The following PHLPP2 variants were observed in gnomAD, a reference collection of about 807,000 sequenced individuals.
The protein encoded by PHLPP2 is PH domain leucine-rich repeat-containing protein phosphatase 2.
A neutral mutation model predicts 124.9 loss-of-function variants in PHLPP2; 66 were observed. The ratio of observed to expected loss-of-function variants is 0.53; its 90% CI spans 0.43 to 0.65. PHLPP2 has a LOEUF of 0.65. PHLPP2 is among the 30% of genes least tolerant of loss of function. The pLI is 0.00. For missense variants in PHLPP2, 1,685 were observed against 1,600.4 expected (o/e 1.05, Z -0.90); for synonymous variants, 681 against 624.7 (o/e 1.09, Z -1.34).
intron 2 of PHLPP2, among the ~76,000 whole-genome samples, chr16:71,704,307 C>A (rs1177899322): frequency 0.016 from 1,535 of 97,664 alleles, no homozygotes; most frequent in Non-Finnish European, 0.018. Flanking sequence ...GACTCTGTCT[C>A]AAAAAAAAAA....
chr16:71,698,182 G>A (rs1220787796), intron 3 of PHLPP2, among the ~76,000 whole-genome samples: 2 of 152,098 alleles, frequency 1.3e-5, no homozygotes, highest in African/African-American at 4.8e-5. Flanking sequence ...ATTAAGAGGG[G>A]GCAGCACAGT....
chr16:71,700,956 C>T (rs1281671556), intron 3 of PHLPP2, among the ~76,000 whole-genome samples: 2 of 152,152 alleles, frequency 1.3e-5, no homozygotes, highest in Non-Finnish European at 2.9e-5. Context: ...ACTGGGGAAA[C>T]TAGCCACTAT....
At chr16:71,718,336 T>C (rs2045376778) in intron 1 of PHLPP2, among the ~76,000 whole-genome samples, 1 of 152,138 alleles carries the variant, frequency 6.6e-6, no homozygotes, top group Non-Finnish European at 1.5e-5. Flanking sequence ...TCCCAGCACT[T>C]TGGGAGGCCA....
At position 71,649,018 on chromosome 16, in the gene PHLPP2, C is replaced by T. The variant is rs115575792; in HGVS notation, c.3844G>A (p.Val1282Ile). The change falls in exon 19 of 19, where the codon GTT becomes ATT. Residue 1282 changes from valine to isoleucine, a missense_variant. Coordinates refer to ENST00000568954, the MANE Select transcript of PHLPP2 (RefSeq NM_015020.3). ...PTQMEPEDQF[V>I]VPHDLEEEVK... ...TCTTCTTCCAGGTCATGAGGCACAA[C>T]AAACTGGTCCTCTGGTTCCATCTGA... 7.5e-4 allele frequency: 1,212 copies of T among 1,614,112 alleles called. 12 individuals are homozygous for T. In the African/African-American group the frequency reaches 0.015, roughly 20 times the overall value.
In PHLPP2 at chr16:71,707,115, C is replaced by T. The variant is rs538839720; in HGVS notation, c.285-4384G>A. 2.0e-5 allele frequency among the ~76,000 whole-genome samples: 3 copies of T among 151,642 alleles called. No individual in the cohort carries two copies. The East Asian group carries it at 5.8e-4, about 29-fold the overall frequency. The stretch of plus-strand genomic sequence containing the variant: ...GACTACAGGCGCCCGCCACCTCGCC[C>T]GGCTAATTTTTTTGTATTTTTAGTA... On this transcript the variant is annotated intron_variant, in intron 2 of 18. Transcript: ENST00000568954.
intron 13 of PHLPP2, among the ~76,000 whole-genome samples, chr16:71,659,540 C>T (rs2044771325): frequency 6.6e-6 from 1 of 152,138 alleles, no homozygotes; most frequent in South Asian, 2.1e-4. Context: ...CATGAGCCAC[C>T]GCACCCGGCC....
At chr16:71,718,505 G>C (rs2045377836) in intron 1 of PHLPP2, among the ~76,000 whole-genome samples, 1 of 151,818 alleles carries the variant, frequency 6.6e-6, no homozygotes, top group African/African-American at 2.4e-5. Flanking sequence ...ACTTGAACCT[G>C]GGAGGCGGAG....
At chr16:71,704,357 A>G (rs1205183569) in intron 2 of PHLPP2, among the ~76,000 whole-genome samples, 4 of 151,728 alleles carry the variant, frequency 2.6e-5, no homozygotes, top group African/African-American at 9.7e-5. Context: ...AACTATAAGA[A>G]ACATGATGCA....
rs896515241 is a variant in PHLPP2 at position 71,645,208 on chromosome 16, G to A, written c.*3682C>T. The stretch of plus-strand genomic sequence containing the variant: ...ATCTGGGAGAAGTGCATGAAATTTA[G>A]AATACAAGGAACTTATGTGTGACTG... On this transcript the variant is annotated 3_prime_UTR_variant, in exon 19 of 19. Transcript: ENST00000568954. 6.1e-6 allele frequency: 1 copy of A among 163,372 alleles called. No homozygotes were observed. The highest frequency in any genetic ancestry group is 2.4e-5 in the African/African-American group (1 of 41,526). The allele number at this position is 163,372 out of a possible 1,614,324, so 10.1% of individuals were successfully genotyped here. A position where few individuals can be genotyped will look rare whatever the true frequency, so the allele number is the denominator to read the frequency against.
intron 8 of PHLPP2, chr16:71,677,693 G>C (rs2145335593): frequency 6.8e-6 from 1 of 148,064 alleles, no homozygotes; most frequent in South Asian, 2.1e-4. Context: ...GTAAATAACA[G>C]AACATCCAGT....
intron 3 of PHLPP2, among the ~76,000 whole-genome samples, chr16:71,691,449 A>AGACGCT (rs1264427079): frequency 6.6e-6 from 1 of 150,680 alleles, no homozygotes; most frequent in Non-Finnish European, 1.5e-5. Flanking sequence ...CGACAGAGCA[A>AGACGCT]GACGCTGTCT....
In PHLPP2 at chr16:71,676,605, T is replaced by C. The variant is rs1567618551; in HGVS notation, c.1313A>G (p.Asn438Ser). The C allele has an allele frequency of 6.2e-7, 1 of 1,614,080 alleles. No individual in the cohort carries two copies. Among genetic ancestry groups the C allele is most frequent in the Non-Finnish European group, 8.5e-7 (1 of 1,179,906 alleles). Residue 438 changes from asparagine to serine, a missense_variant, in exon 9 of 19, where the codon AAT becomes AGT. By Grantham distance (46) the Asn-to-Ser change is conservative (BLOSUM62 1). Coordinates refer to ENST00000568954, the MANE Select transcript of PHLPP2 (RefSeq NM_015020.3). ...KTMVIENLEG[N>S]KHITHVDLRD... ...CAGATCCACGTGGGTGATGTGTTTA[T>C]TTCCCTCCAGATTTTCAATAACCAT...
chr16:71,676,108 C>T (rs956969683), intron 9 of PHLPP2, among the ~76,000 whole-genome samples: 7 of 152,022 alleles, frequency 4.6e-5, no homozygotes, highest in South Asian at 2.1e-4. Flanking sequence ...AAAGAGGTGG[C>T]AGGCCAGATG....
At chr16:71,717,705 C>A (rs1291304329) in intron 1 of PHLPP2, among the ~76,000 whole-genome samples, 4 of 152,170 alleles carry the variant, frequency 2.6e-5, no homozygotes, top group Non-Finnish European at 5.9e-5. Flanking sequence ...ACTGGACCAT[C>A]TGAAAACAGT....
chr16:71,664,238 T>C, intron 12 of PHLPP2, 139 bp from the exon 13 acceptor site: 2 of 648,504 alleles, frequency 3.1e-6, no homozygotes, highest in Non-Finnish European at 5.3e-6. Context: ...CTCCACGTAG[T>C]TTTTCTCTAA....
intron 9 of PHLPP2, 67 bp from the exon 10 acceptor site, chr16:71,672,389 G>A: frequency 1.8e-6 from 2 of 1,122,200 alleles, no homozygotes; most frequent in Non-Finnish European, 2.7e-6. Context: ...AGCTGACAAT[G>A]GAAAAGTAGC....
chr16:71,690,679 C>T lies in PHLPP2; in HGVS notation c.449G>A (p.Arg150Gln), dbSNP rs769621675. Reference sequence around the variant, plus strand: ...ATTATAGATGCCAGACAATAGGATTCGATCCAAACGATCCATGTGGCATGG... The same window carrying T: ...ATTATAGATGCCAGACAATAGGATTTGATCCAAACGATCCATGTGGCATGG... ...EKPCHMDRLD[R>Q]ILLSGIYNVR... Residue 150 changes from arginine (R) to glutamine (Q), a missense_variant, in exon 4 of 19, where the codon CGA (arginine) becomes CAA (glutamine). By Grantham distance (43) the Arg-to-Gln change is conservative. Coordinates refer to ENST00000568954, the MANE Select transcript of PHLPP2 (RefSeq NM_015020.3). The T allele has an allele frequency of 6.2e-6, 10 of 1,612,108 alleles. No homozygotes were observed. Among genetic ancestry groups the T allele is most frequent in the Middle Eastern group, 1.7e-4 (1 of 6,054 alleles).
At position 71,672,048 on chromosome 16, in the gene PHLPP2, AG is replaced by A. The variant is rs570321596; in HGVS notation, c.1532+213del. ...ATCCTACATCTATAGTCTTTAAGAA[AG>A]AGTAATTCACAGACACCTTACTATT... On this transcript the variant is annotated intron_variant, in intron 10 of 18. Coordinates refer to ENST00000568954, the MANE Select transcript of PHLPP2 (RefSeq NM_015020.3). Among the ~76,000 whole-genome samples the A allele has an allele frequency of 4.1e-4, 62 of 152,348 alleles. 1 individual carries two copies. Among genetic ancestry groups the A allele is most frequent in the African/African-American group, 1.3e-3 (56 of 41,582 alleles).
intron 3 of PHLPP2, among the ~76,000 whole-genome samples, chr16:71,694,023 A>G (rs879522131): frequency 2.4e-4 from 37 of 152,162 alleles, no homozygotes; most frequent in Admixed American, 2.4e-3. Context: ...CAAAATCCCC[A>G]TCTCTACTAA....
Sources: allele counts gnomAD v4.1 joint callset (sites outside exome capture counted in the v4.1 genomes callset), GRCh38; gene constraint gnomAD v4.1.1; transcripts MANE v1.5; gene names NCBI Gene and HGNC (gene_info 2026-07-23, HGNC 2026-07-21).